The following TAS2R1 variants were observed in gnomAD, a reference collection of about 807,000 sequenced individuals.
The protein encoded by TAS2R1 is taste receptor type 2 member 1.
For synonymous variants in TAS2R1, 141 were observed against 134.2 expected (o/e 1.05, Z -0.35); for missense variants, 370 against 353.4 (o/e 1.05, Z -0.38).
intron 1 of TAS2R1, among the ~76,000 whole-genome samples, chr5:9,670,951 G>A (rs1006815557): frequency 6.6e-6 from 1 of 152,158 alleles, no homozygotes; most frequent in African/African-American, 2.4e-5. Flanking sequence ...CCATGATCAA[G>A]TAGACTTTAT....
intron 1 of TAS2R1, among the ~76,000 whole-genome samples, chr5:9,700,332 G>T (rs899338762): frequency 6.6e-6 from 1 of 152,098 alleles, no homozygotes; most frequent in African/African-American, 2.4e-5. Context: ...TTCGTTATAG[G>T]CCCAATTTAA....
chr5:9,903,190 T>C, the TAS2R1 span, among the ~76,000 whole-genome samples: 1 of 151,128 alleles, frequency 6.6e-6, no homozygotes, highest in African/African-American at 2.4e-5. Flanking sequence ...TATTCATCCA[T>C]TTTTTTGTAC....
chr5:9,633,319 T>TATATAC (rs1475834697), upstream of TAS2R1, among the ~76,000 whole-genome samples: 31 of 137,520 alleles, frequency 2.3e-4, 1 homozygote, highest in Middle Eastern at 3.6e-3. Context: ...TATATATATA[T>TATATAC]ACACAAATGT....
the TAS2R1 span, among the ~76,000 whole-genome samples, chr5:9,772,770 G>C: frequency 6.6e-6 from 1 of 152,032 alleles, no homozygotes; most frequent in South Asian, 2.1e-4. Flanking sequence ...TCTTCTTACA[G>C]TTTTTGTCTT....
At chr5:9,799,118 T>C in the TAS2R1 span, among the ~76,000 whole-genome samples, 88 of 152,300 alleles carry the variant, frequency 5.8e-4, no homozygotes, top group African/African-American at 1.9e-3. Context: ...AGGTTGTCTC[T>C]CTAAAGCGCC....
chr5:9,629,738 GC>G lies in TAS2R1; in HGVS notation c.174del (p.Trp58CysfsTer?), dbSNP rs1739833817. The G allele has an allele frequency of 3.7e-6, 6 of 1,614,012 alleles. No homozygotes were observed. Among genetic ancestry groups the G allele is most frequent in the Middle Eastern group, 1.6e-4 (1 of 6,062 alleles). ...ACCTTGGCACAATAGAAAACGCCGA[GC>G]CATGTGGCAAGCCAAAGTTCCAATT... On this transcript the variant is annotated frameshift_variant, in exon 3 of 3. Coordinates refer to the TAS2R1 transcript ENST00000506620. LOFTEE classifies it high-confidence loss of function.
At chr5:9,712,417 T>C (rs1396580802), upstream of TAS2R1, 1 of 152,222 alleles carries the variant, frequency 6.6e-6, no homozygotes. Flanking sequence ...TTAGATGTGA[T>C]TAACATTTAA....
the TAS2R1 span, among the ~76,000 whole-genome samples, chr5:9,851,750 G>T: frequency 6.6e-6 from 1 of 152,108 alleles, no homozygotes; most frequent in African/African-American, 2.4e-5. Context: ...ACTGGAAGGT[G>T]CTCAGTCTCA....
chr5:9,717,018 C>T (rs1255241016), upstream of TAS2R1, among the ~76,000 whole-genome samples: 1 of 152,156 alleles, frequency 6.6e-6, no homozygotes, highest in Non-Finnish European at 1.5e-5. Flanking sequence ...CTCTCACCAC[C>T]TACTCATAGC....
intron 1 of TAS2R1, among the ~76,000 whole-genome samples, chr5:9,700,755 T>C (rs1741462691): frequency 6.6e-6 from 1 of 152,174 alleles, no homozygotes; most frequent in African/African-American, 2.4e-5. Flanking sequence ...CCTTGGCCTG[T>C]AGATGACCGT....
the TAS2R1 span, among the ~76,000 whole-genome samples, chr5:9,768,767 T>C: frequency 3.9e-5 from 6 of 152,248 alleles, no homozygotes; most frequent in Admixed American, 1.3e-4. Context: ...TAATTGCTTC[T>C]TTTTTAAAGA....
the TAS2R1 span, among the ~76,000 whole-genome samples, chr5:9,823,746 GGAAA>G: frequency 1.3e-5 from 2 of 151,480 alleles, no homozygotes; most frequent in African/African-American, 2.4e-5. Context: ...AAGGAAGGAA[GGAAA>G]GAAAGAAAGG....
chr5:9,806,068 C>A, the TAS2R1 span, among the ~76,000 whole-genome samples: 1 of 151,920 alleles, frequency 6.6e-6, no homozygotes, highest in Non-Finnish European at 1.5e-5. Context: ...ACAAAATTAA[C>A]GCACATAAAT....
intron 1 of TAS2R1, among the ~76,000 whole-genome samples, chr5:9,700,314 T>C (rs1422190361): frequency 6.6e-6 from 1 of 152,200 alleles, no homozygotes; most frequent in African/African-American, 2.4e-5. Context: ...TCTATGTGTT[T>C]ACCTAGTTTC....
At chr5:9,757,533 T>A in the TAS2R1 span, among the ~76,000 whole-genome samples, 55,506 of 151,968 alleles carry the variant, frequency 0.37, 10,614 homozygotes, top group Admixed American at 0.44. Flanking sequence ...TTACATCTTC[T>A]TAAAGTGGCA....
intron 2 of TAS2R1, among the ~76,000 whole-genome samples, chr5:9,648,897 C>T (rs1268525695): frequency 6.6e-6 from 1 of 152,136 alleles, no homozygotes; most frequent in African/African-American, 2.4e-5. Flanking sequence ...CTTTTCTCAT[C>T]TGGAAAGCCC....
chr5:9,745,049 T>C, the TAS2R1 span, among the ~76,000 whole-genome samples: 8 of 152,304 alleles, frequency 5.3e-5, no homozygotes, highest in East Asian at 3.9e-4. Context: ...GGAAACTTAC[T>C]GTGGGTACAT....
At chr5:9,636,700 A>G (rs1351931717) in intron 2 of TAS2R1, among the ~76,000 whole-genome samples, 2 of 151,746 alleles carry the variant, frequency 1.3e-5, no homozygotes, top group East Asian at 3.9e-4. Flanking sequence ...TCTCTTTTTT[A>G]CTGTTATTGC....
chr5:9,842,741 T>C, the TAS2R1 span, among the ~76,000 whole-genome samples: 5 of 152,032 alleles, frequency 3.3e-5, no homozygotes, highest in East Asian at 5.8e-4. Context: ...TAGTTTTCCA[T>C]GGGTCCTAAT....
Sources: allele counts gnomAD v4.1 joint callset (sites outside exome capture counted in the v4.1 genomes callset), GRCh38; gene constraint gnomAD v4.1.1; transcripts MANE v1.5; gene names NCBI Gene and HGNC (gene_info 2026-07-23, HGNC 2026-07-21).